CLCC1: variants seen among roughly 807,000 people sequenced by gnomAD.
CLCC1 encodes chloride channel CLIC like 1, also known as chloride channel CLIC-like protein 1.
In CLCC1, 39 loss-of-function variants were observed where a neutral mutation model predicts 63.3. The observed-to-expected ratio is 0.62, with a 90% CI of 0.48 to 0.81. CLCC1 has a LOEUF of 0.81. Among genes scored for constraint, CLCC1 ranks in the 30% least tolerant of loss-of-function variants. The pLI is 0.00. For synonymous variants in CLCC1, 217 were observed against 239.8 expected (o/e 0.90, Z 0.88); for missense variants, 549 against 669.4 (o/e 0.82, Z 1.98).
In CLCC1 at chr1:108,931,306, A is replaced by G; in HGVS notation, c.*1241T>C. 1 of 1,542,644 alleles carries G rather than the reference A, an allele frequency of 6.5e-7. No homozygotes were observed. The highest frequency in any genetic ancestry group is 8.8e-7 in the Non-Finnish European group (1 of 1,142,370). On this transcript the variant is annotated 3_prime_UTR_variant, in exon 13 of 13. Transcript: ENST00000369969. ...GTTGTCATTAAGCTTTGTCTTCCTT[A>G]TCCCAGATATTGAAGGCAGTTTACA... is the stretch of plus-strand genomic sequence containing the variant.
At chr1:108,944,465 T>C (rs1180492623) in intron 5 of CLCC1, among the ~76,000 whole-genome samples, 1 of 151,084 alleles carries the variant, frequency 6.6e-6, no homozygotes, top group Non-Finnish European at 1.5e-5. Context: ...TAAGACCCTG[T>C]CTCTAAAAAA....
Position 108,931,385 on chromosome 1 carries a change from A to AGAC in CLCC1, c.*1159_*1161dup, listed in dbSNP as rs1308194869. ...CTGTAGCAAAAGACAAGTATGGGAC[A>AGAC]GACTGGGACCTGGAGTAACACTGGA... On this transcript the variant is annotated 3_prime_UTR_variant, in exon 13 of 13. Transcript: ENST00000369969. The AGAC allele has an allele frequency of 6.4e-7, 1 of 1,551,222 alleles. No homozygotes were observed. The highest frequency in any genetic ancestry group is 1.4e-5 in the African/African-American group (1 of 73,150).
rs751786189 is a variant in CLCC1, at chr1:108,943,627, GAGA to G, written c.562-15_562-13del. On this transcript the variant is annotated splice_polypyrimidine_tract_variant and intron_variant, in intron 6 of 12. Transcript: ENST00000369969. ...AGACAAAGAAGTACCTTAAAACAGA[GAGA>G]AGCAGAAATCAGCCACCAAAAACAC... 2.5e-6 allele frequency: 4 copies of G among 1,612,734 alleles called. No homozygotes were observed. The East Asian group carries it at 8.9e-5, about 36-fold the overall frequency.
rs565352538 is a variant in CLCC1, at chr1:108,941,341, G to T, written c.796+64C>A. The T allele has an allele frequency of 8.4e-4, 1,150 of 1,374,610 alleles. 3 individuals carry two copies. Among genetic ancestry groups the T allele is most frequent in the Non-Finnish European group, 1.1e-3 (1,038 of 974,518 alleles). 85.2% of individuals were successfully genotyped at this position (1,374,610 alleles called of 1,614,324 possible). A position where few individuals can be genotyped will look rare whatever the true frequency, so the allele number is the denominator to read the frequency against. On this transcript the variant is annotated intron_variant, in intron 8 of 12. Coordinates refer to ENST00000369969, the MANE Select transcript of CLCC1 (RefSeq NM_001377458.1). The stretch of plus-strand genomic sequence containing the variant: ...CTCCTGTTATTTTATCATTCTCTTT[G>T]TTCTATGTTCTTTCATTCTCAGAAT...
intron 2 of CLCC1, among the ~76,000 whole-genome samples, chr1:108,955,366 C>T (rs1007644081): frequency 4.0e-5 from 6 of 151,492 alleles, no homozygotes; most frequent in African/African-American, 7.4e-5. Flanking sequence ...AGATCTAAGA[C>T]GGTCACAAAT....
chr1:108,934,517 C>G, intron 12 of CLCC1, 108 bp downstream of exon 12: 1 of 805,318 alleles, frequency 1.2e-6, no homozygotes, highest in Non-Finnish European at 1.9e-6. Context: ...TTCTAATTGT[C>G]AGTAAAAATG....
At chr1:108,959,716 AG>A (rs1557901183) in intron 2 of CLCC1, among the ~76,000 whole-genome samples, 2 of 152,170 alleles carry the variant, frequency 1.3e-5, no homozygotes, top group South Asian at 2.1e-4. Flanking sequence ...CCAAGGGTAA[AG>A]GGGGGACTCT....
chr1:108,938,082 G>A (rs1653289546), intron 10 of CLCC1, among the ~76,000 whole-genome samples: 1 of 152,068 alleles, frequency 6.6e-6, no homozygotes, highest in Non-Finnish European at 1.5e-5. Flanking sequence ...TCAGACTCAG[G>A]GGATGCATGC....
chr1:108,957,575 T>G (rs1656074530), intron 2 of CLCC1, among the ~76,000 whole-genome samples: 1 of 151,580 alleles, frequency 6.6e-6, no homozygotes, highest in Non-Finnish European at 1.5e-5. Flanking sequence ...CTCTTGCTAC[T>G]CTAATACAGA....
At chr1:108,947,169 A>G (rs1313459587) in intron 5 of CLCC1, among the ~76,000 whole-genome samples, 1 of 152,220 alleles carries the variant, frequency 6.6e-6, no homozygotes, top group Non-Finnish European at 1.5e-5. Flanking sequence ...GTCTCAAAAA[A>G]AAAAGGAAAT....
Position 108,934,609 on chromosome 1 carries a change from G to A in CLCC1, c.*45+16C>T, listed in dbSNP as rs148949017. On this transcript the variant is annotated intron_variant, in intron 12 of 12. Transcript: ENST00000369969. ...TTCTTGCAGAGAAGAGAAAGAGAGT[G>A]AAGAGTATACTTTACAAAGCTCGAA... 36,940 of 1,542,640 alleles carry A rather than the reference G, an allele frequency of 0.024. 537 individuals are homozygous for A. The highest frequency in any genetic ancestry group is 0.029 in the Non-Finnish European group (32,868 of 1,141,790).
chr1:108,949,733 A>C, intron 4 of CLCC1, 87 bp downstream of exon 4: 2 of 709,162 alleles, frequency 2.8e-6, no homozygotes, highest in South Asian at 4.8e-5. Flanking sequence ...CGGAAACACT[A>C]GAAATACAAA....
chr1:108,937,237 T>C lies in CLCC1; in HGVS notation c.1223A>G (p.Glu408Gly). 6.2e-7 allele frequency: 1 copy of C among 1,614,124 alleles called. No individual in the cohort carries two copies. Among genetic ancestry groups the C allele is most frequent in the Non-Finnish European group, 8.5e-7 (1 of 1,180,006 alleles). ...ATACGTTTTGGCATAAGGGCCTTGC[T>C]CAGTGGGGCCCATTTGGCCCCTATA... ...FHYRGQMGPT[E>G]QGPYAKTYEG... The change falls in exon 11 of 13, where the codon GAG becomes GGG. Residue 408 changes from glutamate (E) to glycine (G), a missense_variant. Physicochemically the swap from Glu to Gly is moderately conservative, Grantham distance 98. Coordinates refer to ENST00000369969, the MANE Select transcript of CLCC1 (RefSeq NM_001377458.1).
rs375876709 is a variant in CLCC1, at chr1:108,934,732, T to G, written c.1594A>C (p.Ser532Arg). ...GGTCCAGCCACACCTCTTGCGGGGC[T>G]GTATGTGCTGCCTTGGTCTGGGCTG... is the stretch of plus-strand genomic sequence containing the variant. ...AGSPDQGSTY[S>R]PARGVAGPRG... is the part of the protein sequence containing the mutation. Residue 532 changes from serine (S) to arginine (R), a missense_variant, in exon 12 of 13, where the codon AGC becomes CGC. By Grantham distance (110) the Ser-to-Arg change is moderately radical. Coordinates refer to ENST00000369969, the MANE Select transcript of CLCC1 (RefSeq NM_001377458.1). The G allele has an allele frequency of 6.2e-7, 1 of 1,614,188 alleles. No homozygotes were observed. The highest frequency in any genetic ancestry group is 8.5e-7 in the Non-Finnish European group (1 of 1,180,046).
chr1:108,955,367 G>A (rs1017303064), intron 2 of CLCC1, among the ~76,000 whole-genome samples: 7 of 151,618 alleles, frequency 4.6e-5, no homozygotes, highest in South Asian at 2.1e-4. Context: ...GATCTAAGAC[G>A]GTCACAAATG....
chr1:108,959,684 C>T (rs576065003), intron 2 of CLCC1, among the ~76,000 whole-genome samples: 13 of 152,138 alleles, frequency 8.5e-5, no homozygotes, highest in Non-Finnish European at 1.6e-4. Context: ...CAGGCATTTA[C>T]TAGGATCTTA....
At chr1:108,960,543 G>A (rs533902860) in intron 2 of CLCC1, among the ~76,000 whole-genome samples, 4 of 152,332 alleles carry the variant, frequency 2.6e-5, no homozygotes, top group Admixed American at 1.3e-4. Context: ...AAACTGGAGA[G>A]AGGCTCCAAG....
At chr1:108,957,646 C>A (rs1178614168) in intron 2 of CLCC1, among the ~76,000 whole-genome samples, 1 of 151,392 alleles carries the variant, frequency 6.6e-6, no homozygotes, top group African/African-American at 2.5e-5. Flanking sequence ...AGATTTGGGA[C>A]GATTTCTATG....
chr1:108,947,491 GAGTC>G, intron 5 of CLCC1, 116 bp downstream of exon 5: 1 of 614,586 alleles, frequency 1.6e-6, no homozygotes, highest in Non-Finnish European at 2.8e-6. Flanking sequence ...TCTGGTTAAA[GAGTC>G]AGTCAGGTGG....
Sources: allele counts gnomAD v4.1 joint callset (sites outside exome capture counted in the v4.1 genomes callset), GRCh38; gene constraint gnomAD v4.1.1; transcripts MANE v1.5; gene names NCBI Gene and HGNC (gene_info 2026-07-23, HGNC 2026-07-21).